The following UNC13C variants were observed in gnomAD, a reference collection of about 807,000 sequenced individuals.
UNC13C encodes the protein unc-13 homolog C, also known as protein unc-13 homolog C.
In UNC13C, 174 loss-of-function variants were observed where a neutral mutation model predicts 245.4. The ratio of observed to expected loss-of-function variants is 0.71; its 90% CI spans 0.63 to 0.80. The LOEUF is 0.80. Among genes scored for constraint, UNC13C ranks in the 30% least tolerant of loss-of-function variants. The pLI, the probability that UNC13C is intolerant of heterozygous loss-of-function variation, is 0.00. For missense variants in UNC13C, 2,829 were observed against 2,602.9 expected (o/e 1.09, Z -1.89); for synonymous variants, 992 against 895.1 (o/e 1.11, Z -1.93).
intron 10 of UNC13C, among the ~76,000 whole-genome samples, chr15:54,268,274 C>T: frequency 6.6e-6 from 1 of 152,006 alleles, no homozygotes. Flanking sequence ...TCATATTAGG[C>T]ATTTTCTTTT....
intron 28 of UNC13C, among the ~76,000 whole-genome samples, chr15:54,552,046 C>A (rs1488666963): frequency 1.3e-5 from 2 of 150,606 alleles, no homozygotes; most frequent in Admixed American, 1.3e-4. Flanking sequence ...TTCAGAACTC[C>A]TATTTAGGAG....
intron 26 of UNC13C, 65 bp downstream of exon 26, chr15:54,533,131 A>G: frequency 7.8e-7 from 1 of 1,286,886 alleles, no homozygotes; most frequent in African/African-American, 1.5e-5. Context: ...AGGCTTTAAG[A>G]AAAACATTGT....
At chr15:54,624,075 C>G in intron 32 of UNC13C, 121 bp downstream of exon 32, 1 of 1,236,820 alleles carries the variant, frequency 8.1e-7, no homozygotes, top group Non-Finnish European at 1.1e-6. Context: ...TTTTAGTTCC[C>G]TTCCATTCAT....
intron 2 of UNC13C, among the ~76,000 whole-genome samples, chr15:54,118,627 T>C (rs1198200026): frequency 6.6e-6 from 1 of 152,174 alleles, no homozygotes; most frequent in Admixed American, 6.5e-5. Flanking sequence ...CCAGTTTGAA[T>C]GTCCTTTGTT....
At chr15:54,027,595 T>C (rs866285956) in intron 2 of UNC13C, among the ~76,000 whole-genome samples, 2 of 152,138 alleles carry the variant, frequency 1.3e-5, no homozygotes, top group Admixed American at 6.5e-5. Flanking sequence ...GGACTTGAAC[T>C]CCTGACTTCA....
chr15:54,383,479 T>G (rs1422566412), intron 17 of UNC13C, among the ~76,000 whole-genome samples: 3 of 152,068 alleles, frequency 2.0e-5, no homozygotes, highest in Non-Finnish European at 2.9e-5. Context: ...CGTTCTTTTA[T>G]AACAACGGTG....
At chr15:54,208,036 GA>G (rs2034769259) in intron 4 of UNC13C, among the ~76,000 whole-genome samples, 1 of 152,106 alleles carries the variant, frequency 6.6e-6, no homozygotes, top group Non-Finnish European at 1.5e-5. Context: ...AGCTGTACAA[GA>G]AGCATGGCAC....
chr15:54,514,180 T>C (rs1473325796), intron 24 of UNC13C, among the ~76,000 whole-genome samples: 1 of 152,312 alleles, frequency 6.6e-6, no homozygotes, highest in East Asian at 1.9e-4. Context: ...TTGGGGCTTT[T>C]ATAAAGATGA....
the UNC13C span, among the ~76,000 whole-genome samples, chr15:53,926,098 ATGATTT>A: frequency 6.6e-6 from 1 of 151,928 alleles, no homozygotes; most frequent in Admixed American, 6.5e-5. Context: ...TTAAAACAAG[ATGATTT>A]AGTTTTTTAG....
the UNC13C span, among the ~76,000 whole-genome samples, chr15:53,876,344 G>T: frequency 1.9e-4 from 29 of 152,186 alleles, no homozygotes; most frequent in South Asian, 6.0e-3. Flanking sequence ...CTCAAAATCG[G>T]ACCTTCTCAT....
intron 13 of UNC13C, among the ~76,000 whole-genome samples, chr15:54,316,463 A>C (rs889707509): frequency 6.6e-6 from 1 of 151,766 alleles, no homozygotes; most frequent in Admixed American, 6.6e-5. Flanking sequence ...ATCTCAAGAC[A>C]TCTCCCCTGA....
chr15:54,175,508 A>ATTTTTTTTTTTTTTTTTT lies in UNC13C; in HGVS notation c.3071+31829_3071+31846dup, dbSNP rs55925649. Among the ~76,000 whole-genome samples, 49 of 105,980 alleles carry ATTTTTTTTTTTTTTTTTT rather than the reference A, an allele frequency of 4.6e-4. 1 individual carries two copies. The highest frequency in any genetic ancestry group is 1.8e-3 in the African/African-American group (47 of 26,224). 69.5% of individuals were successfully genotyped at this position (105,980 alleles called of 152,430 possible). ...AAAACACTGTTGTTGTGGCCCTAGA[A>ATTTTTTTTTTTTTTTTTT]TTTTTTTTTTTTTTTTTTTTTTGAG... On this transcript the variant is annotated intron_variant, in intron 4 of 32. Transcript: ENST00000260323.
chr15:54,031,684 G>A (rs565528939), intron 2 of UNC13C, among the ~76,000 whole-genome samples: 8 of 152,262 alleles, frequency 5.3e-5, no homozygotes, highest in Admixed American at 2.6e-4. Flanking sequence ...GTGTGTGCAT[G>A]CATAATGACT....
At chr15:54,479,203 G>C (rs1417039032) in intron 19 of UNC13C, among the ~76,000 whole-genome samples, 2 of 151,812 alleles carry the variant, frequency 1.3e-5, no homozygotes, top group Non-Finnish European at 2.9e-5. Context: ...TTATTTTATG[G>C]GGGTCTCTCT....
chr15:54,423,273 G>A (rs67781205), intron 19 of UNC13C, among the ~76,000 whole-genome samples: 38,895 of 151,454 alleles, frequency 0.26, 5,168 homozygotes, highest in African/African-American at 0.31. Context: ...ATGAAACTTT[G>A]TAATTTCATT....
intron 4 of UNC13C, among the ~76,000 whole-genome samples, chr15:54,147,493 A>G (rs551430553): frequency 6.6e-6 from 1 of 152,316 alleles, no homozygotes; most frequent in South Asian, 2.1e-4. Context: ...TGCTGGGATT[A>G]CAGGCATGAG....
chr15:54,464,247 T>C lies in UNC13C; in HGVS notation c.4934-30361T>C, dbSNP rs574383996. ...ATTGATACAGTTGAATCCATTTTCC[T>C]ATATGATCATTTTTATTACATTTTC... On this transcript the variant is annotated intron_variant, in intron 19 of 32. Coordinates refer to ENST00000260323, the MANE Select transcript of UNC13C (RefSeq NM_001080534.3). 1.5e-4 allele frequency among the ~76,000 whole-genome samples: 23 copies of C among 152,314 alleles called. No homozygotes were observed. The East Asian group carries it at 4.4e-3, about 29-fold the overall frequency.
At chr15:54,132,011 T>C (rs2031447865) in intron 2 of UNC13C, among the ~76,000 whole-genome samples, 1 of 152,024 alleles carries the variant, frequency 6.6e-6, no homozygotes, top group East Asian at 1.9e-4. Flanking sequence ...CATATCACTT[T>C]GTTCATATCT....
At chr15:53,916,511 C>T in the UNC13C span, among the ~76,000 whole-genome samples, 2 of 152,066 alleles carry the variant, frequency 1.3e-5, no homozygotes, top group African/African-American at 4.8e-5. Context: ...TGGGAAAGGC[C>T]AGGACTTGTA....
Sources: allele counts gnomAD v4.1 joint callset (sites outside exome capture counted in the v4.1 genomes callset), GRCh38; gene constraint gnomAD v4.1.1; transcripts MANE v1.5; gene names NCBI Gene and HGNC (gene_info 2026-07-23, HGNC 2026-07-21).